Variants in SLC2A13 observed in about 807,000 individuals in gnomAD.
The protein encoded by SLC2A13 is solute carrier family 2 member 13, also known as proton myo-inositol cotransporter.
In SLC2A13, 32 loss-of-function variants were observed where a neutral mutation model predicts 64.4. The observed-to-expected ratio is 0.50, with a 90% CI of 0.37 to 0.67. The LOEUF (loss-of-function observed/expected upper bound fraction) is 0.67, where lower values mean the gene tolerates loss of function less well. Ranked by LOEUF, SLC2A13 falls within the 30% of genes least tolerant of loss-of-function variation. The pLI, the probability that SLC2A13 is intolerant of heterozygous loss-of-function variation, is 0.00. For synonymous variants in SLC2A13, 338 were observed against 327.1 expected (o/e 1.03, Z -0.36); for missense variants, 743 against 829.2 (o/e 0.90, Z 1.28).
intron 7 of SLC2A13, among the ~76,000 whole-genome samples, chr12:39,786,266 A>G (rs1049838432): frequency 6.6e-6 from 1 of 152,220 alleles, no homozygotes. Flanking sequence ...TCCTCGTGAT[A>G]GCGAATAAGT....
intron 1 of SLC2A13, among the ~76,000 whole-genome samples, chr12:40,062,707 G>A (rs980905645): frequency 2.6e-5 from 4 of 151,964 alleles, no homozygotes; most frequent in Non-Finnish European, 1.5e-5. Flanking sequence ...AAATTAAAGG[G>A]TTTACTATAA....
intron 7 of SLC2A13, among the ~76,000 whole-genome samples, chr12:39,819,274 AT>A (rs1317617698): frequency 6.6e-6 from 1 of 152,168 alleles, no homozygotes; most frequent in Non-Finnish European, 1.5e-5. Context: ...GTTTACAAAT[AT>A]TTTTATCGTT....
At chr12:40,074,844 TC>T (rs1938106968) in intron 1 of SLC2A13, among the ~76,000 whole-genome samples, 1 of 152,222 alleles carries the variant, frequency 6.6e-6, no homozygotes, top group Non-Finnish European at 1.5e-5. Flanking sequence ...TGATTAGGTC[TC>T]AAGCTTTAGT....
intron 4 of SLC2A13, among the ~76,000 whole-genome samples, chr12:39,946,286 A>G (rs2136093635): frequency 6.6e-6 from 1 of 152,296 alleles, no homozygotes; most frequent in South Asian, 2.1e-4. Context: ...AATGGACCCC[A>G]TGAGGGTTCT....
intron 3 of SLC2A13, among the ~76,000 whole-genome samples, chr12:39,973,179 G>C (rs1289549865): frequency 6.6e-6 from 1 of 152,244 alleles, no homozygotes; most frequent in Admixed American, 6.5e-5. Flanking sequence ...CACTGAAATT[G>C]TTCTTGTCAA....
intron 6 of SLC2A13, among the ~76,000 whole-genome samples, chr12:39,835,079 T>C (rs1942969326): frequency 6.6e-6 from 1 of 152,088 alleles, no homozygotes. Context: ...TTTAAATACA[T>C]TGGCACAAAG....
At chr12:39,859,132 T>G (rs1199405531) in intron 6 of SLC2A13, among the ~76,000 whole-genome samples, 1 of 152,110 alleles carries the variant, frequency 6.6e-6, no homozygotes, top group African/African-American at 2.4e-5. Context: ...CATCTACAGA[T>G]GAAGCCACAG....
At chr12:39,762,593 T>G (rs1239238971) in intron 9 of SLC2A13, among the ~76,000 whole-genome samples, 1 of 151,978 alleles carries the variant, frequency 6.6e-6, no homozygotes, top group Non-Finnish European at 1.5e-5. Flanking sequence ...GGAATCAAAT[T>G]TTGAGATCTT....
At chr12:39,816,319 G>C (rs1312056073) in intron 7 of SLC2A13, among the ~76,000 whole-genome samples, 1 of 151,492 alleles carries the variant, frequency 6.6e-6, no homozygotes, top group African/African-American at 2.4e-5. Context: ...CCGTAGGTTG[G>C]GTTGCCTAGA....
intron 3 of SLC2A13, among the ~76,000 whole-genome samples, chr12:39,960,624 C>A (rs1946391879): frequency 6.6e-6 from 1 of 152,118 alleles, no homozygotes; most frequent in Admixed American, 6.5e-5. Context: ...AAGTAATCCA[C>A]CCACCTCAAC....
intron 3 of SLC2A13, among the ~76,000 whole-genome samples, chr12:40,017,549 T>C (rs189464627): frequency 2.6e-4 from 40 of 152,324 alleles, no homozygotes; most frequent in African/African-American, 9.6e-4. Flanking sequence ...TCATCTTGCT[T>C]TGACTGCAAT....
At chr12:40,054,938 T>C (rs1948312221) in intron 1 of SLC2A13, among the ~76,000 whole-genome samples, 1 of 152,222 alleles carries the variant, frequency 6.6e-6, no homozygotes, top group African/African-American at 2.4e-5. Context: ...AGAAGGATTA[T>C]GATGTTCTAA....
intron 1 of SLC2A13, among the ~76,000 whole-genome samples, chr12:40,060,826 G>C (rs981354215): frequency 6.6e-6 from 1 of 152,048 alleles, no homozygotes; most frequent in African/African-American, 2.4e-5. Context: ...GAAATCAAGA[G>C]CATAGAAAAT....
At chr12:39,978,077 G>C (rs988653522) in intron 3 of SLC2A13, among the ~76,000 whole-genome samples, 2 of 152,232 alleles carry the variant, frequency 1.3e-5, no homozygotes, top group Non-Finnish European at 2.9e-5. Flanking sequence ...CTGGCATCTA[G>C]AGAGAACTGA....
chr12:39,930,855 T>C (rs1258421593), intron 4 of SLC2A13, among the ~76,000 whole-genome samples: 1 of 152,218 alleles, frequency 6.6e-6, no homozygotes, highest in African/African-American at 2.4e-5. Flanking sequence ...CTCATTTCAC[T>C]GTGCTTTAAT....
chr12:39,877,163 T>G (rs940527173), intron 4 of SLC2A13, among the ~76,000 whole-genome samples: 6 of 152,292 alleles, frequency 3.9e-5, no homozygotes, highest in African/African-American at 1.4e-4. Flanking sequence ...TAGTCTGCTC[T>G]TATGCTGCTA....
chr12:39,980,884 CCA>C (rs1417009040), intron 3 of SLC2A13, among the ~76,000 whole-genome samples: 3 of 151,620 alleles, frequency 2.0e-5, no homozygotes, highest in Non-Finnish European at 4.4e-5. Context: ...TTTTTCAGCA[CCA>C]CACCACACCT....
At chr12:39,901,175 T>C (rs1801989980) in intron 4 of SLC2A13, among the ~76,000 whole-genome samples, 1 of 152,130 alleles carries the variant, frequency 6.6e-6, no homozygotes, top group Non-Finnish European at 1.5e-5. Flanking sequence ...TTACACCTTA[T>C]ACAAAGAAAT....
chr12:39,779,227 T>C (rs1307904526), intron 7 of SLC2A13, among the ~76,000 whole-genome samples: 1 of 152,144 alleles, frequency 6.6e-6, no homozygotes, highest in Non-Finnish European at 1.5e-5. Flanking sequence ...TGGACCTCAT[T>C]TGAGTTATCC....
Sources: gnomAD v4.1 joint callset for allele counts (sites outside exome capture counted in the v4.1 genomes callset) on GRCh38, gnomAD v4.1.1 for gene constraint, MANE v1.5 for transcripts, NCBI Gene and HGNC (gene_info 2026-07-23, HGNC 2026-07-21) for gene names.